The following C1orf105 variants were observed in gnomAD, a reference collection of about 807,000 sequenced individuals.
C1orf105 encodes uncharacterized protein C1orf105.
Under a neutral mutation model 20.8 loss-of-function variants are expected in C1orf105, and 17 were observed. The ratio of observed to expected loss-of-function variants is 0.82; its 90% CI spans 0.56 to 1.23. The LOEUF (loss-of-function observed/expected upper bound fraction) is 1.23, where lower values mean the gene tolerates loss of function less well. Ranked by LOEUF, C1orf105 falls within the 50% of genes most tolerant of loss-of-function variation. The pLI is 0.00. For missense variants in C1orf105, 219 were observed against 213.5 expected (o/e 1.03, Z -0.16); for synonymous variants, 72 against 72.1 (o/e 1.00, Z 0.01).
intron 6 of C1orf105, chr1:172,465,672 C>A (rs2901656): frequency 3.9e-6 from 2 of 514,516 alleles, no homozygotes; most frequent in African/African-American, 3.8e-5. Context: ...ATAAAAGTTC[C>A]CCTATTGGCA....
At chr1:172,421,718 G>A (rs2071594870) in intron 1 of C1orf105, among the ~76,000 whole-genome samples, 5 of 152,094 alleles carry the variant, frequency 3.3e-5, no homozygotes. Flanking sequence ...ACAGTACCTG[G>A]TTTTAACTTC....
intron 1 of C1orf105, among the ~76,000 whole-genome samples, chr1:172,423,424 T>A (rs913570188): frequency 2.6e-5 from 4 of 152,226 alleles, no homozygotes; most frequent in Non-Finnish European, 4.4e-5. Context: ...ACAGCGTTAC[T>A]GGGCTTGGGG....
At chr1:172,448,683 C>T in intron 3 of C1orf105, 152 bp downstream of exon 3, 1 of 578,960 alleles carries the variant, frequency 1.7e-6, no homozygotes, top group Non-Finnish European at 3.1e-6. Flanking sequence ...TGGCCCCACC[C>T]CCCTCACTAT....
intron 1 of C1orf105, chr1:172,428,919 C>T (rs2071790930): frequency 1.6e-6 from 1 of 619,040 alleles, no homozygotes; most frequent in East Asian, 2.9e-5. Flanking sequence ...TAGAGGGAAG[C>T]TTATGTAGAT....
rs1209726156 is a variant in C1orf105 at position 172,441,880 on chromosome 1, G to C, written c.22-3193G>C. ...AAGGGCAAAGAGTACGGCTCCCACA[G>C]CACTAATGGACAGTAGGCCTCCCAC... On this transcript the variant is annotated intron_variant, in intron 1 of 6. Coordinates refer to ENST00000367727, the MANE Select transcript of C1orf105 (RefSeq NM_139240.4). 6.2e-6 allele frequency: 10 copies of C among 1,614,050 alleles called. No homozygotes were observed. The African/African-American group carries it at 1.2e-4, about 19-fold the overall frequency.
At chr1:172,445,425 G>C in intron 2 of C1orf105, among the ~76,000 whole-genome samples, 1 of 152,120 alleles carries the variant, frequency 6.6e-6, no homozygotes, top group African/African-American at 2.4e-5. Flanking sequence ...CCTAGACACT[G>C]TCTCTCAAAA....
At chr1:172,435,182 G>T (rs535855011) in intron 1 of C1orf105, among the ~76,000 whole-genome samples, 1 of 152,160 alleles carries the variant, frequency 6.6e-6, no homozygotes, top group Non-Finnish European at 1.5e-5. Flanking sequence ...AGAGGAGCTG[G>T]TACCATTCCT....
intron 1 of C1orf105, among the ~76,000 whole-genome samples, chr1:172,422,765 G>C (rs900857161): frequency 5.6e-5 from 3 of 53,632 alleles, no homozygotes. Context: ...TGCCCTGAAG[G>C]GTAAGTCACT....
intron 1 of C1orf105, among the ~76,000 whole-genome samples, chr1:172,439,228 G>T (rs143033885): frequency 2.0e-5 from 3 of 152,160 alleles, no homozygotes; most frequent in Non-Finnish European, 4.4e-5. Context: ...ACTTATATAT[G>T]ATTTATCTAT....
intron 3 of C1orf105, 90 bp from the exon 4 acceptor site, chr1:172,456,325 C>T: frequency 1.8e-6 from 2 of 1,095,032 alleles, no homozygotes; most frequent in African/African-American, 1.5e-5. Flanking sequence ...AAACTGTTAC[C>T]TCTCTCACCC....
At chr1:172,449,791 G>A (rs1002512100) in intron 3 of C1orf105, among the ~76,000 whole-genome samples, 8 of 152,212 alleles carry the variant, frequency 5.3e-5, no homozygotes, top group African/African-American at 1.9e-4. Flanking sequence ...GGTAGAGGTG[G>A]GGGATGAGCG....
chr1:172,427,750 G>A (rs1189605162), intron 1 of C1orf105, among the ~76,000 whole-genome samples: 1 of 152,136 alleles, frequency 6.6e-6, no homozygotes, highest in East Asian at 1.9e-4. Context: ...CAGTGGTTTT[G>A]CTGTCCAAAT....
intron 1 of C1orf105, chr1:172,431,319 C>T (rs1039360268): frequency 7.3e-6 from 3 of 408,542 alleles, no homozygotes; most frequent in Admixed American, 8.3e-5. Context: ...ACTAAAAGAG[C>T]CTTACTGTTA....
At chr1:172,451,705 T>G (rs948678284) in intron 3 of C1orf105, among the ~76,000 whole-genome samples, 5 of 152,156 alleles carry the variant, frequency 3.3e-5, no homozygotes, top group African/African-American at 1.2e-4. Context: ...ACATTTTGGG[T>G]TTTTTTAAGT....
rs146475610 is a variant in C1orf105, at chr1:172,454,740, GC to G, written c.199-1671del. ...ACCCTTCTCAGACCCTTCCCTCTCTGCCCCACCCCCAGTTAAGCTCAATGAC... is the reference window on the plus strand; with the variant it reads ...ACCCTTCTCAGACCCTTCCCTCTCTGCCCACCCCCAGTTAAGCTCAATGAC... On this transcript the variant is annotated intron_variant, in intron 3 of 6. Coordinates refer to ENST00000367727, the MANE Select transcript of C1orf105 (RefSeq NM_139240.4). Among the ~76,000 whole-genome samples, 1,343 of 151,674 alleles carry G rather than the reference GC, an allele frequency of 8.9e-3. 25 individuals are homozygous for G. The highest frequency in any genetic ancestry group is 0.03 in the African/African-American group (1,256 of 41,338).
At chr1:172,464,178 A>G (rs1649886262) in intron 5 of C1orf105, among the ~76,000 whole-genome samples, 1 of 152,238 alleles carries the variant, frequency 6.6e-6, no homozygotes, top group African/African-American at 2.4e-5. Flanking sequence ...GGATAGATAC[A>G]TATTTGTTGA....
chr1:172,430,626 G>A (rs1395440386), intron 1 of C1orf105, among the ~76,000 whole-genome samples: 1 of 152,016 alleles, frequency 6.6e-6, no homozygotes, highest in Non-Finnish European at 1.5e-5. Context: ...TTTTTGTAGA[G>A]ACAGAAGTCT....
intron 3 of C1orf105, among the ~76,000 whole-genome samples, chr1:172,455,396 C>G (rs1649128869): frequency 6.6e-6 from 1 of 152,150 alleles, no homozygotes; most frequent in African/African-American, 2.4e-5. Context: ...TAGTGATGGG[C>G]CAGCAAGCGG....
At chr1:172,464,648 T>G (rs1370339120) in intron 5 of C1orf105, among the ~76,000 whole-genome samples, 3 of 151,566 alleles carry the variant, frequency 2.0e-5, no homozygotes, top group African/African-American at 7.3e-5. Flanking sequence ...AGTTCTGTTT[T>G]TTTTTTTTTT....
Sources: gnomAD v4.1 joint callset for allele counts (sites outside exome capture counted in the v4.1 genomes callset) on GRCh38, gnomAD v4.1.1 for gene constraint, MANE v1.5 for transcripts, NCBI Gene and HGNC (gene_info 2026-07-23, HGNC 2026-07-21) for gene names.